The following LPP variants were observed in gnomAD, a reference collection of about 807,000 sequenced individuals.
LPP encodes the protein lipoma-preferred partner.
Under a neutral mutation model 60.4 loss-of-function variants are expected in LPP, and 38 were observed. That is an observed-to-expected ratio of 0.63 (90% CI 0.49 to 0.83). The LOEUF (loss-of-function observed/expected upper bound fraction) is 0.83. LPP is among the 40% of genes least tolerant of loss of function. The probability of loss-of-function intolerance (pLI) is 0.00; values close to 1 mark genes in which losing one functional copy is unlikely to be tolerated. For missense variants in LPP, 902 were observed against 783.6 expected, an observed-to-expected ratio of 1.15 and a Z score of -1.80; for synonymous variants, 328 against 290.8, an observed-to-expected ratio of 1.13 and a Z score of -1.30.
intron 5 of LPP, among the ~76,000 whole-genome samples, chr3:188,494,464 C>T (rs1809347941): frequency 6.6e-6 from 1 of 152,156 alleles, no homozygotes; most frequent in African/African-American, 2.4e-5. Flanking sequence ...AAAGCATAAA[C>T]TCATTAAATC....
chr3:188,596,977 G>A (rs924805422), intron 6 of LPP, among the ~76,000 whole-genome samples: 1 of 152,136 alleles, frequency 6.6e-6, no homozygotes, highest in African/African-American at 2.4e-5. Context: ...ATGCCCTGCT[G>A]CCTGGTGTGT....
At chr3:188,405,939 T>C (rs1783382303) in intron 3 of LPP, among the ~76,000 whole-genome samples, 173 bp from the exon 4 acceptor site, 1 of 152,190 alleles carries the variant, frequency 6.6e-6, no homozygotes, top group Admixed American at 6.5e-5. Context: ...CCTCTTTCTA[T>C]TCATGATTCC....
chr3:188,266,545 G>C (rs1735632708), intron 2 of LPP, among the ~76,000 whole-genome samples: 1 of 149,226 alleles, frequency 6.7e-6, no homozygotes, highest in Admixed American at 6.6e-5. Context: ...AGGAGAGACG[G>C]GGAAGACAGA....
intron 1 of LPP, among the ~76,000 whole-genome samples, chr3:188,173,521 A>C (rs1158588278): frequency 7.2e-5 from 11 of 152,072 alleles, no homozygotes; most frequent in South Asian, 4.2e-4. Context: ...AAAAACAAAA[A>C]AAACAAACAA....
In LPP at chr3:188,884,583, CAGAG is replaced by C. The variant is rs1289937017; in HGVS notation, c.*10109_*10112del. The C allele has an allele frequency of 4.3e-6, 1 of 230,322 alleles. No homozygotes were observed. Among genetic ancestry groups the C allele is most frequent in the Non-Finnish European group, 8.6e-6 (1 of 116,290 alleles). The allele number at this position is 230,322 out of a possible 1,614,324, so 14.3% of individuals were successfully genotyped here. ...GGAAGCACATTGCAATAAATTTCCC[CAGAG>C]AGAGTTCCTTTACATTCCATTCACC... On this transcript the variant is annotated 3_prime_UTR_variant, in exon 12 of 12. Coordinates refer to ENST00000617246, the MANE Select transcript of LPP (RefSeq NM_001375462.1).
chr3:188,600,019 A>G (rs912039391), intron 6 of LPP, among the ~76,000 whole-genome samples: 6 of 151,922 alleles, frequency 3.9e-5, no homozygotes, highest in Non-Finnish European at 7.4e-5. Flanking sequence ...AATGGAGAAC[A>G]AAATTTTCTC....
chr3:188,790,243 T>C (rs1743258110), intron 9 of LPP, among the ~76,000 whole-genome samples: 1 of 152,110 alleles, frequency 6.6e-6, no homozygotes. Flanking sequence ...TTAAAAACTA[T>C]TTTAGGAAAA....
intron 5 of LPP, among the ~76,000 whole-genome samples, chr3:188,509,017 A>G (rs1814400226): frequency 6.6e-6 from 1 of 152,176 alleles, no homozygotes; most frequent in Non-Finnish European, 1.5e-5. Flanking sequence ...GGAAAATCTT[A>G]TGTTCATGGA....
intron 9 of LPP, among the ~76,000 whole-genome samples, chr3:188,844,816 A>G (rs1263882187): frequency 6.6e-6 from 1 of 152,200 alleles, no homozygotes; most frequent in Non-Finnish European, 1.5e-5. Context: ...TCTTAGCCTT[A>G]GTCTTTTTAT....
intron 4 of LPP, among the ~76,000 whole-genome samples, chr3:188,463,679 C>A (rs990818077): frequency 1.3e-5 from 2 of 152,102 alleles, no homozygotes; most frequent in African/African-American, 4.8e-5. Context: ...TGGCAGAGAC[C>A]ATAAGCAGTA....
chr3:188,675,137 A>T (rs926378314), intron 7 of LPP, among the ~76,000 whole-genome samples: 9 of 152,232 alleles, frequency 5.9e-5, no homozygotes, highest in African/African-American at 1.9e-4. Context: ...CCCTGCTGGA[A>T]GGTAAATGAA....
At chr3:188,238,852 C>G (rs1439738490) in intron 2 of LPP, among the ~76,000 whole-genome samples, 2 of 152,122 alleles carry the variant, frequency 1.3e-5, no homozygotes, top group African/African-American at 2.4e-5. Context: ...TACCTAAAGA[C>G]TTGCTTGATA....
At position 188,620,564 on chromosome 3, in the gene LPP, G is replaced by A. The variant is rs190006332; in HGVS notation, c.1113+10720G>A. 7.9e-5 allele frequency among the ~76,000 whole-genome samples: 12 copies of A among 152,116 alleles called. No homozygotes were observed. In the East Asian group the frequency reaches 2.3e-3, roughly 29 times the overall value. On this transcript the variant is annotated intron_variant, in intron 7 of 11. Transcript: ENST00000617246. ...CATTATATTTATATTTTCATCAATT[G>A]ATGAACATTTGAGGTTTTTCTATCT...
At chr3:188,731,827 A>T (rs1158301187) in intron 8 of LPP, among the ~76,000 whole-genome samples, 1 of 152,066 alleles carries the variant, frequency 6.6e-6, no homozygotes, top group Non-Finnish European at 1.5e-5. Flanking sequence ...TGGCCTGTCT[A>T]ATCTTTTATT....
chr3:188,343,324 G>C (rs1295141640), intron 3 of LPP, among the ~76,000 whole-genome samples: 1 of 152,116 alleles, frequency 6.6e-6, no homozygotes. Flanking sequence ...TTTAAAAAAG[G>C]TAGTAGCAAA....
chr3:188,699,105 A>G (rs1308288379), intron 7 of LPP, among the ~76,000 whole-genome samples: 1 of 152,234 alleles, frequency 6.6e-6, no homozygotes, highest in African/African-American at 2.4e-5. Flanking sequence ...CATATGAATC[A>G]GATATTATTA....
chr3:188,199,994 G>T (rs532598123), intron 1 of LPP, among the ~76,000 whole-genome samples: 1 of 152,018 alleles, frequency 6.6e-6, no homozygotes, highest in East Asian at 1.9e-4. Flanking sequence ...GAGCCACCGC[G>T]CCTGGCCCTA....
intron 5 of LPP, among the ~76,000 whole-genome samples, chr3:188,504,417 G>A (rs1362644306): frequency 6.6e-6 from 1 of 152,028 alleles, no homozygotes; most frequent in African/African-American, 2.4e-5. Flanking sequence ...TCCCCCATCA[G>A]GTCTTTTTTA....
chr3:188,805,308 C>G (rs1314671654), intron 9 of LPP, among the ~76,000 whole-genome samples: 2 of 151,914 alleles, frequency 1.3e-5, no homozygotes, highest in Admixed American at 6.6e-5. Context: ...GCCAGTGAAG[C>G]CATCTGGACC....
Sources: gnomAD v4.1 joint callset for allele counts (sites outside exome capture counted in the v4.1 genomes callset) on GRCh38, gnomAD v4.1.1 for gene constraint, MANE v1.5 for transcripts, NCBI Gene and HGNC (gene_info 2026-07-23, HGNC 2026-07-21) for gene names.